The following SCNN1G variants were observed in gnomAD, a reference collection of about 807,000 sequenced individuals.
SCNN1G encodes the protein epithelial sodium channel subunit gamma.
SCNN1G carries 27 observed loss-of-function variants against 64.6 expected under a neutral mutation model. The ratio of observed to expected loss-of-function variants is 0.42; its 90% CI spans 0.31 to 0.58. The LOEUF (loss-of-function observed/expected upper bound fraction) is 0.58, where lower values mean the gene tolerates loss of function less well. Among genes scored for constraint, SCNN1G ranks in the 20% least tolerant of loss-of-function variants. The pLI, the probability that SCNN1G is intolerant of heterozygous loss-of-function variation, is 0.18. For missense variants in SCNN1G, 743 were observed against 823.4 expected, an observed-to-expected ratio of 0.90 and a Z score of 1.19; for synonymous variants, 330 against 314.2, an observed-to-expected ratio of 1.05 and a Z score of -0.53.
rs5729 is a variant in SCNN1G at position 23,216,075 on chromosome 16, T to A, written c.*606T>A. The stretch of plus-strand genomic sequence containing the variant: ...AGTGTTGGTGGAGATCAGAGTGCCG[T>A]GGTGGAGGTCTGGGACTATGTCAGA... On this transcript the variant is annotated 3_prime_UTR_variant, in exon 13 of 13. Coordinates refer to ENST00000300061, the MANE Select transcript of SCNN1G (RefSeq NM_001039.4). 33,326 of 161,576 alleles carry A rather than the reference T, an allele frequency of 0.21. 3,610 individuals carry two copies. Among genetic ancestry groups the A allele is most frequent in the African/African-American group, 0.25 (10,225 of 41,576 alleles). 10.0% of individuals were successfully genotyped at this position (161,576 alleles called of 1,614,324 possible). A position where few individuals can be genotyped will look rare whatever the true frequency, so the allele number is the denominator to read the frequency against.
rs1959667026 is a variant in SCNN1G at position 23,189,415 on chromosome 16, C to T, written c.362C>T (p.Thr121Ile). Residue 121 changes from threonine to isoleucine, a missense_variant, in exon 3 of 13, where the codon ACC (threonine) becomes ATC (isoleucine). Coordinates refer to ENST00000300061, the MANE Select transcript of SCNN1G (RefSeq NM_001039.4). ...RHLLADLEQE[T>I]REALKSLYGF... Reference sequence around the variant, plus strand: ...CTTCTAGCTGACTTGGAACAGGAGACCAGAGAGGCCCTGAAGTCCCTGTAT... The same window carrying T: ...CTTCTAGCTGACTTGGAACAGGAGATCAGAGAGGCCCTGAAGTCCCTGTAT... 2 of 1,614,138 alleles carry T rather than the reference C, an allele frequency of 1.2e-6. No homozygotes were observed. Among genetic ancestry groups the T allele is most frequent in the Non-Finnish European group, 1.7e-6 (2 of 1,180,044 alleles).
chr16:23,214,730 C>A lies in SCNN1G; in HGVS notation c.1512C>A (p.Leu504=). Residue 504 remains leucine, a synonymous_variant, in exon 12 of 13, where the codon CTC becomes CTA. Transcript: ENST00000300061. ...TTTGCAGGACAGACTTGGCCAAACT[C>A]TTGATATTCTACAAAGACCTGAACC... ...KKLNKTDLAK[L]LIFYKDLNQR... is the part of the protein sequence containing the mutation. 6.2e-7 allele frequency: 1 copy of A among 1,614,084 alleles called. No individual in the cohort carries two copies. Among genetic ancestry groups the A allele is most frequent in the South Asian group, 1.1e-5 (1 of 91,074 alleles).
At chr16:23,195,348 CACT>C in intron 5 of SCNN1G, among the ~76,000 whole-genome samples, 1 of 152,328 alleles carries the variant, frequency 6.6e-6, no homozygotes, top group Non-Finnish European at 1.5e-5. Context: ...CAATTTCCAG[CACT>C]ACTATTCCAC....
chr16:23,199,895 T>C (rs1959860712), intron 6 of SCNN1G, among the ~76,000 whole-genome samples: 1 of 151,866 alleles, frequency 6.6e-6, no homozygotes, highest in Non-Finnish European at 1.5e-5. Flanking sequence ...ATGGTCTCGA[T>C]CTCCTGACCT....
intron 4 of SCNN1G, among the ~76,000 whole-genome samples, chr16:23,193,377 T>C (rs577184212): frequency 7.2e-4 from 110 of 152,102 alleles, no homozygotes; most frequent in African/African-American, 2.7e-3. Flanking sequence ...CTGGGCACAG[T>C]GGCTCACGCT....
At chr16:23,211,881 G>A (rs1380196300) in intron 7 of SCNN1G, among the ~76,000 whole-genome samples, 153 bp from the exon 8 acceptor site, 3 of 152,064 alleles carry the variant, frequency 2.0e-5, no homozygotes, top group African/African-American at 4.8e-5. Context: ...TTGCAGTTCC[G>A]GGACCATGCC....
chr16:23,188,103 G>A (rs1434500887), intron 2 of SCNN1G, among the ~76,000 whole-genome samples: 1 of 151,938 alleles, frequency 6.6e-6, no homozygotes, highest in East Asian at 1.9e-4. Context: ...AAACTGTCAT[G>A]CACTGTACTA....
intron 6 of SCNN1G, among the ~76,000 whole-genome samples, chr16:23,203,769 CAAAAAAAAAAAAAAAAAA>C (rs71151702): frequency 4.7e-5 from 2 of 42,268 alleles, no homozygotes; most frequent in African/African-American, 2.7e-4. Context: ...GACTCCGTCT[CAAAAAAAAAAAAAAAAAA>C]AAAAAAAAAG....
intron 6 of SCNN1G, 72 bp downstream of exon 6, chr16:23,197,499 G>A: frequency 7.3e-7 from 1 of 1,378,628 alleles, no homozygotes; most frequent in Non-Finnish European, 1.0e-6. Flanking sequence ...AACCAATGGG[G>A]TGCAGCTTAT....
intron 6 of SCNN1G, among the ~76,000 whole-genome samples, chr16:23,204,334 T>TATATATATATATAGAGAGAGAG (rs1567267153): frequency 6.6e-5 from 1 of 15,176 alleles, no homozygotes; most frequent in Non-Finnish European, 1.1e-4. Flanking sequence ...TATATATATA[T>TATATATATATATAGAGAGAGAG]AGAGAGAGAG....
rs1959583885 is a variant in SCNN1G at position 23,185,063 on chromosome 16, C to T, written c.-44-1165C>T. 3.9e-5 allele frequency among the ~76,000 whole-genome samples: 6 copies of T among 152,322 alleles called. No individual in the cohort carries two copies. In the South Asian group the frequency reaches 1.0e-3, roughly 26 times the overall value. ...GTATTGTTAATTAACTCCCTGCACC[C>T]AGCGTACTACCAGGCCCCTCAAAGG... On this transcript the variant is annotated intron_variant, in intron 1 of 12. Coordinates refer to ENST00000300061, the MANE Select transcript of SCNN1G (RefSeq NM_001039.4).
At chr16:23,189,779 C>T (rs1959676227) in intron 3 of SCNN1G, 108 bp downstream of exon 3, 8 of 1,096,810 alleles carry the variant, frequency 7.3e-6, no homozygotes, top group East Asian at 7.1e-5. Flanking sequence ...GGAAGAAATA[C>T]ACCCAGCTGG....
chr16:23,186,705 CTT>C (rs1462475718), intron 2 of SCNN1G, 117 bp downstream of exon 2: 12 of 883,084 alleles, frequency 1.4e-5, no homozygotes, highest in Non-Finnish European at 2.0e-5. Context: ...TACAAATGTG[CTT>C]TCTAGAAATT....
chr16:23,211,250 T>A (rs1376660705), intron 7 of SCNN1G, among the ~76,000 whole-genome samples: 2 of 152,238 alleles, frequency 1.3e-5, no homozygotes, highest in Non-Finnish European at 2.9e-5. Context: ...GGATTTGACC[T>A]GAGTAGCCTG....
chr16:23,192,233 A>T (rs752990532), intron 3 of SCNN1G, 119 bp from the exon 4 acceptor site: 181 of 856,430 alleles, frequency 2.1e-4, no homozygotes, highest in Non-Finnish European at 3.4e-4. Context: ...CTTGCCCCAG[A>T]TATCCAACCT....
Position 23,194,231 on chromosome 16 carries a change from A to G in SCNN1G, c.870A>G (p.Glu290=), listed in dbSNP as rs1370715169. ...ATTGCTATACTTTCAACAACAGAGA[A>G]AATGAGACCATTCTCAGCACCTCCA... is the stretch of plus-strand genomic sequence containing the variant. The part of the protein sequence containing the change: ...HGNCYTFNNR[E]NETILSTSMG... The change falls in exon 5 of 13, where the codon GAA becomes GAG. Residue 290 remains glutamate (E), a synonymous_variant. Transcript: ENST00000300061. 4 of 1,613,916 alleles carry G rather than the reference A, an allele frequency of 2.5e-6. No individual in the cohort carries two copies. The African/African-American group carries it at 5.3e-5, about 22-fold the overall frequency.
intron 6 of SCNN1G, 51 bp from the exon 7 acceptor site, chr16:23,209,699 G>A (rs745936695): frequency 1.2e-4 from 170 of 1,400,874 alleles, no homozygotes; most frequent in Admixed American, 5.2e-4. Context: ...CAAAGCCCCC[G>A]CCTGGGTCCG....
chr16:23,202,732 C>T (rs1002117753), intron 6 of SCNN1G, among the ~76,000 whole-genome samples: 1 of 152,038 alleles, frequency 6.6e-6, no homozygotes, highest in African/African-American at 2.4e-5. Flanking sequence ...GACTTGACAG[C>T]CAATGTTAGC....
intron 6 of SCNN1G, 46 bp from the exon 7 acceptor site, chr16:23,209,704 G>C: frequency 7.0e-7 from 1 of 1,433,510 alleles, no homozygotes; most frequent in South Asian, 1.1e-5. Flanking sequence ...CCCCCGCCTG[G>C]GTCCGGGGGG....
Sources: allele counts gnomAD v4.1 joint callset (sites outside exome capture counted in the v4.1 genomes callset), GRCh38; gene constraint gnomAD v4.1.1; transcripts MANE v1.5; gene names NCBI Gene and HGNC (gene_info 2026-07-23, HGNC 2026-07-21).